Variants in ANO3 observed in about 807,000 individuals in gnomAD.
ANO3 encodes the protein anoctamin-3.
Under a neutral mutation model 144.8 loss-of-function variants are expected in ANO3, and 99 were observed. That is an observed-to-expected ratio of 0.68 (90% CI 0.58 to 0.81). The LOEUF (loss-of-function observed/expected upper bound fraction) is 0.81. Among genes scored for constraint, ANO3 ranks in the 30% least tolerant of loss-of-function variants. ANO3 has a pLI of 0.00. For missense variants in ANO3, 905 were observed against 1,202.2 expected (o/e 0.75, Z 3.66); for synonymous variants, 414 against 392.6 (o/e 1.05, Z -0.64).
intron 23 of ANO3, among the ~76,000 whole-genome samples, chr11:26,647,375 T>C (rs1298813959): frequency 6.6e-6 from 1 of 152,222 alleles, no homozygotes; most frequent in Non-Finnish European, 1.5e-5. Flanking sequence ...GATTCTTATG[T>C]ACTATTTTTA....
intron 1 of ANO3, among the ~76,000 whole-genome samples, chr11:26,235,043 T>A (rs12161755): frequency 0.026 from 2,529 of 97,314 alleles, 51 homozygotes; most frequent in East Asian, 0.16. Flanking sequence ...AGAGCGAGAG[T>A]GAAATTAAAC....
intron 1 of ANO3, among the ~76,000 whole-genome samples, chr11:26,412,285 A>G (rs1341939660): frequency 6.6e-6 from 1 of 151,978 alleles, no homozygotes; most frequent in African/African-American, 2.4e-5. Context: ...GATCAGCATT[A>G]TATATGTAAA....
At chr11:26,258,915 T>G (rs1203345581) in intron 1 of ANO3, among the ~76,000 whole-genome samples, 1 of 152,218 alleles carries the variant, frequency 6.6e-6, no homozygotes, top group Non-Finnish European at 1.5e-5. Flanking sequence ...ATATCTACTG[T>G]GGGCACTACA....
chr11:26,469,328 G>A (rs1333293820), intron 4 of ANO3, among the ~76,000 whole-genome samples: 1 of 151,964 alleles, frequency 6.6e-6, no homozygotes, highest in Non-Finnish European at 1.5e-5. Flanking sequence ...GCATGTATGT[G>A]TGTGTGCAGG....
intron 24 of ANO3, among the ~76,000 whole-genome samples, chr11:26,652,554 A>C (rs1288173959): frequency 6.6e-6 from 1 of 152,170 alleles, no homozygotes. Context: ...CCATCATTCT[A>C]GTAATTCACC....
intron 1 of ANO3, among the ~76,000 whole-genome samples, chr11:26,246,281 A>G (rs796485650): frequency 7.2e-5 from 11 of 152,232 alleles, no homozygotes; most frequent in African/African-American, 2.6e-4. Context: ...TACGGAAAAT[A>G]TATTTTCAAT....
chr11:26,260,769 T>A (rs1218890421), intron 1 of ANO3, among the ~76,000 whole-genome samples: 3 of 152,270 alleles, frequency 2.0e-5, no homozygotes, highest in Non-Finnish European at 1.5e-5. Context: ...TGGGCTGTTT[T>A]TGCTGCATGG....
At chr11:26,193,767 T>C (rs1851524650) in intron 1 of ANO3, among the ~76,000 whole-genome samples, 1 of 152,180 alleles carries the variant, frequency 6.6e-6, no homozygotes, top group Non-Finnish European at 1.5e-5. Flanking sequence ...AATTGAATAC[T>C]TATAATAATT....
intron 1 of ANO3, among the ~76,000 whole-genome samples, chr11:26,421,901 A>G (rs796647548): frequency 5.3e-4 from 80 of 152,214 alleles, no homozygotes; most frequent in African/African-American, 1.9e-3. Context: ...AAATGATGAG[A>G]ACACATCAAC....
chr11:26,648,624 C>T (rs1244066797), intron 24 of ANO3, among the ~76,000 whole-genome samples: 1 of 152,190 alleles, frequency 6.6e-6, no homozygotes, highest in Non-Finnish European at 1.5e-5. Context: ...TTTAGAACCA[C>T]TGCTTTAGGT....
intron 3 of ANO3, chr11:26,460,066 T>C (rs1859328169): frequency 4.4e-6 from 2 of 450,344 alleles, no homozygotes; most frequent in African/African-American, 4.0e-5. Flanking sequence ...AGAGATCAGA[T>C]TTCAACATGA....
intron 4 of ANO3, among the ~76,000 whole-genome samples, chr11:26,504,280 A>G (rs1346327910): frequency 6.7e-6 from 1 of 150,198 alleles, no homozygotes; most frequent in East Asian, 2.0e-4. Context: ...GATTTTTTTT[A>G]GGCCAGTATT....
chr11:26,280,325 T>A (rs545318018), intron 1 of ANO3, among the ~76,000 whole-genome samples: 111 of 152,234 alleles, frequency 7.3e-4, no homozygotes, highest in Non-Finnish European at 1.3e-3. Context: ...AGGACAGAAC[T>A]AATAGGATAG....
chr11:26,519,930 T>C (rs984898916), intron 6 of ANO3, among the ~76,000 whole-genome samples: 1 of 152,074 alleles, frequency 6.6e-6, no homozygotes, highest in African/African-American at 2.4e-5. Context: ...TATGGTGTAA[T>C]ACTTATCATA....
At chr11:26,627,712 C>A (rs1426665001) in intron 18 of ANO3, among the ~76,000 whole-genome samples, 1 of 151,672 alleles carries the variant, frequency 6.6e-6, no homozygotes, top group Non-Finnish European at 1.5e-5. Flanking sequence ...CCTCTATAAT[C>A]CAGTGATGAT....
At chr11:26,332,418 C>A in intron 1 of ANO3, 97 bp downstream of exon 1, 2 of 1,143,716 alleles carry the variant, frequency 1.7e-6, no homozygotes, top group Non-Finnish European at 2.6e-6. Context: ...GCTTATGCGA[C>A]ACAGAGGTGG....
At chr11:26,343,775 C>T (rs1329475240) in intron 1 of ANO3, among the ~76,000 whole-genome samples, 3 of 152,138 alleles carry the variant, frequency 2.0e-5, no homozygotes, top group Admixed American at 2.0e-4. Flanking sequence ...ATTTTCTTCT[C>T]CAAGTTTCAC....
intron 3 of ANO3, among the ~76,000 whole-genome samples, chr11:26,449,573 T>C (rs1457043193): frequency 6.6e-6 from 1 of 152,100 alleles, no homozygotes; most frequent in Non-Finnish European, 1.5e-5. Context: ...GTTTTTGCTC[T>C]CTGTGATGTC....
chr11:26,259,325 T>C (rs1853129785), intron 1 of ANO3, among the ~76,000 whole-genome samples: 1 of 152,066 alleles, frequency 6.6e-6, no homozygotes, highest in Admixed American at 6.6e-5. Flanking sequence ...TTTATGTAAG[T>C]ATATACAAAC....
Sources: gnomAD v4.1 joint callset for allele counts (sites outside exome capture counted in the v4.1 genomes callset) on GRCh38, gnomAD v4.1.1 for gene constraint, MANE v1.5 for transcripts, NCBI Gene and HGNC (gene_info 2026-07-23, HGNC 2026-07-21) for gene names.